The following NBPF11 variants were observed in gnomAD, a reference collection of about 807,000 sequenced individuals.
NBPF11 encodes NBPF member 11, also known as NBPF family member NBPF11.
NBPF11 carries 72 observed loss-of-function variants against 93.9 expected under a neutral mutation model. The observed-to-expected ratio is 0.77, with a 90% CI of 0.63 to 0.93. NBPF11 has a LOEUF of 0.93. Among genes scored for constraint, NBPF11 ranks in the 40% least tolerant of loss-of-function variants. The probability of loss-of-function intolerance (pLI) is 0.00; values close to 1 mark genes in which losing one functional copy is unlikely to be tolerated. For synonymous variants in NBPF11, 224 were observed against 304.9 expected, an observed-to-expected ratio of 0.73 and a Z score of 2.76; for missense variants, 705 against 802.2, an observed-to-expected ratio of 0.88 and a Z score of 1.46.
intron 4 of NBPF11, among the ~76,000 whole-genome samples, chr1:148,129,160 TATATATACACATATATACATGTATACAC>T (rs1284560584): frequency 3.4e-5 from 5 of 146,078 alleles, no homozygotes; most frequent in Non-Finnish European, 6.0e-5. Context: ...ATATATTATA[TATATATACACATATATACATGTATACAC>T]GTATATATAA....
intron 17 of NBPF11, 114 bp downstream of exon 17, chr1:148,109,170 T>C (rs1251351893): frequency 2.0e-5 from 17 of 859,436 alleles, no homozygotes; most frequent in African/African-American, 3.3e-5. Flanking sequence ...GTAGGCATAA[T>C]TCAGACTTGT....
At chr1:148,124,626 G>A (rs1197504987) in intron 6 of NBPF11, among the ~76,000 whole-genome samples, 1 of 151,730 alleles carries the variant, frequency 6.6e-6, no homozygotes, top group Non-Finnish European at 1.5e-5. Context: ...GCTGCTGGGT[G>A]GTTCCCACTC....
At chr1:148,134,804 A>G (rs2149274133) in intron 4 of NBPF11, among the ~76,000 whole-genome samples, 1 of 152,032 alleles carries the variant, frequency 6.6e-6, no homozygotes, top group East Asian at 1.9e-4. Context: ...GGACGATGCA[A>G]GAGAATAGAA....
At chr1:148,131,036 A>G (rs28869275) in intron 4 of NBPF11, among the ~76,000 whole-genome samples, 20,936 of 149,622 alleles carry the variant, frequency 0.14, 1,589 homozygotes, top group East Asian at 0.27. Context: ...CTATCATTCC[A>G]CGTTTGGGCT....
intron 4 of NBPF11, among the ~76,000 whole-genome samples, chr1:148,127,949 A>C (rs879079083): frequency 2.7e-3 from 399 of 150,364 alleles, no homozygotes; most frequent in African/African-American, 9.3e-3. Flanking sequence ...GCCACCGCAC[A>C]CGGCCGACTT....
At chr1:148,149,999 CTT>C (rs1287888467) in intron 1 of NBPF11, among the ~76,000 whole-genome samples, 2 of 151,720 alleles carry the variant, frequency 1.3e-5, no homozygotes, top group African/African-American at 4.9e-5. Flanking sequence ...TGATAAAACA[CTT>C]TGGGAAAATG....
chr1:148,124,097 A>C (rs1315640629), intron 6 of NBPF11, 30 bp from the exon 7 acceptor site: 2 of 1,609,876 alleles, frequency 1.2e-6, no homozygotes, highest in Non-Finnish European at 1.7e-6. Flanking sequence ...AAAATTTAAC[A>C]GTGAAAAGCA....
rs1667450250 is a variant in NBPF11, at chr1:148,119,955, C to G, written c.988+546G>C. Among the ~76,000 whole-genome samples, 2 of 125,628 alleles carry G rather than the reference C, an allele frequency of 1.6e-5. 1 individual carries two copies. The highest frequency in any genetic ancestry group is 1.9e-4 in the Admixed American group (2 of 10,450). 82.4% of individuals were successfully genotyped at this position (125,628 alleles called of 152,430 possible). A position where few individuals can be genotyped will look rare whatever the true frequency, so the allele number is the denominator to read the frequency against. ...AGGAGTGAGCCACCATGCACGGCCCCTACTCCCTGCTCTTGATGCTGTCAC... is the reference window on the plus strand; with the variant it reads ...AGGAGTGAGCCACCATGCACGGCCCGTACTCCCTGCTCTTGATGCTGTCAC... On this transcript the variant is annotated intron_variant, in intron 10 of 23. Coordinates refer to ENST00000682118, the MANE Select transcript of NBPF11 (RefSeq NM_001385469.3).
chr1:148,131,815 TTA>T (rs1392844533), intron 4 of NBPF11, among the ~76,000 whole-genome samples: 1 of 63,238 alleles, frequency 1.6e-5, no homozygotes, highest in Non-Finnish European at 3.2e-5. Context: ...CTGATTTGTG[TTA>T]TGTTTAACCT....
intron 1 of NBPF11, among the ~76,000 whole-genome samples, chr1:148,149,934 T>G (rs2149318216): frequency 6.6e-6 from 1 of 151,906 alleles, no homozygotes; most frequent in South Asian, 2.1e-4. Context: ...CAAAATAATT[T>G]TTAACTGACA....
At chr1:148,113,166 CAG>C (rs1665713257) in intron 15 of NBPF11, among the ~76,000 whole-genome samples, 1 of 152,026 alleles carries the variant, frequency 6.6e-6, no homozygotes, top group South Asian at 2.1e-4. Context: ...TTAAAAAACA[CAG>C]AATGGCAAAT....
At chr1:148,148,677 C>T (rs1189616703) in intron 1 of NBPF11, among the ~76,000 whole-genome samples, 6 of 152,010 alleles carry the variant, frequency 3.9e-5, no homozygotes, top group African/African-American at 1.5e-4. Flanking sequence ...ACACAGCTGC[C>T]TGAATTCCTC....
chr1:148,150,754 C>A (rs1458419978), intron 1 of NBPF11, among the ~76,000 whole-genome samples: 7 of 146,320 alleles, frequency 4.8e-5, no homozygotes, highest in Non-Finnish European at 1.0e-4. Flanking sequence ...TAGAGGGAGT[C>A]TCGCTCTGTC....
intron 21 of NBPF11, 66 bp from the exon 22 acceptor site, chr1:148,105,594 G>C (rs1307400582): frequency 4.2e-6 from 3 of 714,182 alleles, no homozygotes; most frequent in Non-Finnish European, 7.5e-6. Context: ...CCCCAACTAG[G>C]TTTCATGGGT....
chr1:148,108,223 C>T (rs1286435004), intron 18 of NBPF11, among the ~76,000 whole-genome samples: 3,280 of 151,062 alleles, frequency 0.022, 27 homozygotes, highest in African/African-American at 0.075. Flanking sequence ...TTTGTCACAT[C>T]TGCCCAGATC....
chr1:148,137,866 C>T (rs1373265898), intron 2 of NBPF11, 57 bp from the exon 3 acceptor site: 8 of 142,748 alleles, frequency 5.6e-5, no homozygotes, highest in East Asian at 2.1e-4. Flanking sequence ...CACCTGTGGG[C>T]GTTTCTCGTT....
chr1:148,146,793 C>T (rs1430501865), intron 1 of NBPF11: 3 of 1,613,242 alleles, frequency 1.9e-6, no homozygotes, highest in South Asian at 1.1e-5. Context: ...TCTACATTGG[C>T]CTGGGCTCCC....
intron 2 of NBPF11, among the ~76,000 whole-genome samples, chr1:148,138,227 C>T (rs1156239387): frequency 1.2e-4 from 18 of 150,984 alleles, no homozygotes; most frequent in Middle Eastern, 3.4e-3. Flanking sequence ...AGTCCTAAGG[C>T]GGTTTTCTCC....
At chr1:148,140,315 A>G (rs1295727370) in intron 2 of NBPF11, among the ~76,000 whole-genome samples, 1 of 151,946 alleles carries the variant, frequency 6.6e-6, no homozygotes, top group Non-Finnish European at 1.5e-5. Flanking sequence ...AACCATAAGA[A>G]TCCTAGGAGA....
Sources: allele counts gnomAD v4.1 joint callset (sites outside exome capture counted in the v4.1 genomes callset), GRCh38; gene constraint gnomAD v4.1.1; transcripts MANE v1.5; gene names NCBI Gene and HGNC (gene_info 2026-07-23, HGNC 2026-07-21).